Variants in ACSS3 observed in about 807,000 individuals in gnomAD.
The protein encoded by ACSS3 is acyl-CoA synthetase short-chain family member 3, mitochondrial.
ACSS3 carries 64 observed loss-of-function variants against 84.2 expected under a neutral mutation model. That is an observed-to-expected ratio of 0.76 (90% CI 0.62 to 0.94). ACSS3 has a LOEUF of 0.94. ACSS3 is among the 40% of genes least tolerant of loss of function. The pLI is 0.00. For missense variants in ACSS3, 815 were observed against 867.6 expected, an observed-to-expected ratio of 0.94 and a Z score of 0.76; for synonymous variants, 317 against 310.1, an observed-to-expected ratio of 1.02 and a Z score of -0.23.
At position 81,260,785 on chromosome 12, in the gene ACSS3, C is replaced by T. The variant is rs1322162086; in HGVS notation, c.*5863C>T. The T allele has an allele frequency of 6.6e-6, 1 of 152,144 alleles. No individual in the cohort carries two copies. The highest frequency in any genetic ancestry group is 1.5e-5 in the Non-Finnish European group (1 of 68,014). The allele number at this position is 152,144 out of a possible 1,614,324, so 9.4% of individuals were successfully genotyped here. A position where few individuals can be genotyped will look rare whatever the true frequency, so the allele number is the denominator to read the frequency against. On this transcript the variant is annotated 3_prime_UTR_variant, in exon 16 of 16. Coordinates refer to ENST00000548058, the MANE Select transcript of ACSS3 (RefSeq NM_024560.4). The stretch of plus-strand genomic sequence containing the variant: ...TTGTTCCTCTGTCTATAACTGTTTT[C>T]TCTTAACCCTGTGCACACATTTTGT...
chr12:81,078,529 A>T, intron 1 of ACSS3, 98 bp downstream of exon 1: 1 of 1,361,840 alleles, frequency 7.3e-7, no homozygotes. Context: ...CTATCACGAA[A>T]GAAAATTGAA....
At chr12:81,247,394 C>T (rs2034016984) in intron 13 of ACSS3, among the ~76,000 whole-genome samples, 1 of 152,144 alleles carries the variant, frequency 6.6e-6, no homozygotes, top group Middle Eastern at 3.4e-3. Flanking sequence ...TGTTTTAATG[C>T]TTCTACTGAA....
intron 9 of ACSS3, among the ~76,000 whole-genome samples, chr12:81,213,808 CT>C (rs2032737850): frequency 4.2e-5 from 2 of 47,230 alleles, no homozygotes; most frequent in African/African-American, 1.3e-4. Flanking sequence ...CTTCTCTTCT[CT>C]TCTCTTCTCT....
At chr12:81,173,352 A>T (rs762490212) in intron 7 of ACSS3, among the ~76,000 whole-genome samples, 5 of 152,224 alleles carry the variant, frequency 3.3e-5, no homozygotes, top group Non-Finnish European at 7.3e-5. Flanking sequence ...TAGACTAAAC[A>T]GTTGTGATAA....
chr12:81,233,562 TACC>T, intron 13 of ACSS3, 91 bp downstream of exon 13: 1 of 1,471,872 alleles, frequency 6.8e-7, no homozygotes, highest in Non-Finnish European at 9.2e-7. Flanking sequence ...CTTGGAAAAT[TACC>T]ACACCCTTCA....
chr12:81,235,265 A>G (rs1342129871), intron 13 of ACSS3, among the ~76,000 whole-genome samples: 1 of 151,150 alleles, frequency 6.6e-6, no homozygotes, highest in African/African-American at 2.4e-5. Flanking sequence ...ATATCTTTCT[A>G]TTTCATTGAT....
chr12:81,238,524 A>T (rs1481330386), intron 13 of ACSS3, among the ~76,000 whole-genome samples: 1 of 151,814 alleles, frequency 6.6e-6, no homozygotes, highest in Non-Finnish European at 1.5e-5. Context: ...GAAGTTTATT[A>T]ATTGTTGATC....
At chr12:81,247,409 T>C (rs2034017412) in intron 13 of ACSS3, among the ~76,000 whole-genome samples, 1 of 152,134 alleles carries the variant, frequency 6.6e-6, no homozygotes, top group South Asian at 2.1e-4. Flanking sequence ...ACTGAAATCC[T>C]TCTCACTGTA....
chr12:81,173,842 TA>T (rs1358463715), intron 7 of ACSS3, among the ~76,000 whole-genome samples: 4 of 152,292 alleles, frequency 2.6e-5, no homozygotes, highest in Admixed American at 6.5e-5. Context: ...TCGTAGAAAT[TA>T]GTAATACATC....
At chr12:81,103,694 A>T (rs952000145) in intron 1 of ACSS3, among the ~76,000 whole-genome samples, 1 of 67,502 alleles carries the variant, frequency 1.5e-5, no homozygotes, top group African/African-American at 3.1e-5. Context: ...ACTCTTGTTT[A>T]AAAAAAAAAT....
chr12:81,085,898 C>T (rs1052419951), intron 1 of ACSS3, among the ~76,000 whole-genome samples: 1 of 151,766 alleles, frequency 6.6e-6, no homozygotes, highest in Non-Finnish European at 1.5e-5. Context: ...TTCTAGGGTT[C>T]TTGGGCATCA....
intron 1 of ACSS3, among the ~76,000 whole-genome samples, chr12:81,099,303 A>G (rs921652705): frequency 6.6e-5 from 10 of 152,182 alleles, no homozygotes; most frequent in Admixed American, 5.9e-4. Flanking sequence ...ATAGGAGGTC[A>G]TCAAGGAAAT....
At chr12:81,186,099 C>T (rs1399833134) in intron 8 of ACSS3, among the ~76,000 whole-genome samples, 6 of 151,516 alleles carry the variant, frequency 4.0e-5, no homozygotes, top group African/African-American at 1.2e-4. Flanking sequence ...ACCAGGAAGA[C>T]ACAATAGGGA....
At chr12:81,189,673 C>T (rs551686178) in intron 8 of ACSS3, among the ~76,000 whole-genome samples, 84 of 152,192 alleles carry the variant, frequency 5.5e-4, no homozygotes, top group Non-Finnish European at 9.7e-4. Flanking sequence ...TTTACCATCA[C>T]AGTGGTGACT....
chr12:81,156,439 A>G (rs1192260584), intron 7 of ACSS3, among the ~76,000 whole-genome samples: 1 of 152,170 alleles, frequency 6.6e-6, no homozygotes, highest in Non-Finnish European at 1.5e-5. Flanking sequence ...ACCAGGAAGG[A>G]ATAATAAAGG....
At chr12:81,181,487 GCAAGGGAACATGATGCCAC>G (rs2030918027) in intron 8 of ACSS3, among the ~76,000 whole-genome samples, 1 of 152,116 alleles carries the variant, frequency 6.6e-6, no homozygotes. Context: ...ACATGAAAAT[GCAAGGGAACATGATGCCAC>G]CAAGGGAACA....
intron 8 of ACSS3, among the ~76,000 whole-genome samples, chr12:81,190,402 T>C (rs986548230): frequency 2.0e-5 from 3 of 152,110 alleles, no homozygotes; most frequent in Non-Finnish European, 4.4e-5. Flanking sequence ...TGGTATTGTT[T>C]ACATTTGCAT....
At chr12:81,084,867 A>G (rs964052940) in intron 1 of ACSS3, among the ~76,000 whole-genome samples, 1 of 152,224 alleles carries the variant, frequency 6.6e-6, no homozygotes, top group Non-Finnish European at 1.5e-5. Context: ...CTATAATATG[A>G]TATCAATGGT....
chr12:81,202,753 ATG>A (rs1472853930), intron 9 of ACSS3, among the ~76,000 whole-genome samples: 1 of 152,166 alleles, frequency 6.6e-6, no homozygotes, highest in Non-Finnish European at 1.5e-5. Context: ...AGAAACTGTG[ATG>A]TGTAATTTGA....
Sources: gnomAD v4.1 joint callset for allele counts (sites outside exome capture counted in the v4.1 genomes callset) on GRCh38, gnomAD v4.1.1 for gene constraint, MANE v1.5 for transcripts, NCBI Gene and HGNC (gene_info 2026-07-23, HGNC 2026-07-21) for gene names.